The following ATXN1 variants were observed in gnomAD, a reference collection of about 807,000 sequenced individuals.
ATXN1 encodes the protein ataxin 1, also known as ataxin-1.
ATXN1 carries 8 observed loss-of-function variants against 56.4 expected under a neutral mutation model. The observed-to-expected ratio is 0.14, with a 90% CI of 0.08 to 0.26. ATXN1 has a LOEUF of 0.26. Ranked by LOEUF, ATXN1 falls within the 10% of genes least tolerant of loss-of-function variation. ATXN1 has a pLI of 1.00. For missense variants in ATXN1, 987 were observed against 1,106.5 expected (o/e 0.89, Z 1.53); for synonymous variants, 514 against 494.6 (o/e 1.04, Z -0.52).
At chr6:16,495,929 C>T (rs1760772662) in intron 5 of ATXN1, among the ~76,000 whole-genome samples, 1 of 151,254 alleles carries the variant, frequency 6.6e-6, no homozygotes, top group Non-Finnish European at 1.5e-5. Flanking sequence ...AGCTCAAAAA[C>T]AACAGAATTA....
At chr6:16,416,145 G>A (rs777289317) in intron 6 of ATXN1, among the ~76,000 whole-genome samples, 2 of 150,372 alleles carry the variant, frequency 1.3e-5, no homozygotes, top group Non-Finnish European at 2.9e-5. Flanking sequence ...TGCAGTCAGT[G>A]TGCTGATAAC....
chr6:16,706,402 C>T (rs1206317630), intron 2 of ATXN1, among the ~76,000 whole-genome samples: 3 of 151,972 alleles, frequency 2.0e-5, no homozygotes, highest in South Asian at 2.1e-4. Flanking sequence ...AGAAAGAGAA[C>T]GAGAGGCAGA....
At chr6:16,757,146 G>A (rs1247800181) in intron 1 of ATXN1, among the ~76,000 whole-genome samples, 1 of 152,198 alleles carries the variant, frequency 6.6e-6, no homozygotes, top group Non-Finnish European at 1.5e-5. Flanking sequence ...TGGCTAAAGA[G>A]TTTCTGTTTA....
intron 6 of ATXN1, among the ~76,000 whole-genome samples, chr6:16,385,763 A>T (rs546176755): frequency 6.6e-6 from 1 of 152,254 alleles, no homozygotes; most frequent in African/African-American, 2.4e-5. Context: ...TAACATATCA[A>T]TATTTTTCTG....
intron 6 of ATXN1, among the ~76,000 whole-genome samples, chr6:16,390,680 T>TCACACACACA (rs57705650): frequency 6.1e-5 from 9 of 147,158 alleles, no homozygotes; most frequent in Admixed American, 3.4e-4. Context: ...AATAAACACA[T>TCACACACACA]CACACACACA....
intron 4 of ATXN1, among the ~76,000 whole-genome samples, chr6:16,585,220 C>T (rs986323055): frequency 6.6e-6 from 1 of 152,092 alleles, no homozygotes; most frequent in African/African-American, 2.4e-5. Flanking sequence ...GCACTCCAGC[C>T]TGGGTGACAG....
intron 6 of ATXN1, among the ~76,000 whole-genome samples, chr6:16,391,993 A>G (rs531477084): frequency 6.6e-6 from 1 of 152,330 alleles, no homozygotes; most frequent in East Asian, 1.9e-4. Flanking sequence ...ATCAGTGACA[A>G]CTATGCAATA....
chr6:16,658,546 C>T (rs971324542), intron 2 of ATXN1, among the ~76,000 whole-genome samples: 2 of 152,174 alleles, frequency 1.3e-5, no homozygotes, highest in African/African-American at 4.8e-5. Context: ...TGCCTCTTTA[C>T]CCCCACTCAG....
intron 6 of ATXN1, among the ~76,000 whole-genome samples, chr6:16,437,794 A>G (rs1759424142): frequency 6.6e-6 from 1 of 152,200 alleles, no homozygotes; most frequent in Non-Finnish European, 1.5e-5. Flanking sequence ...ATAAAGTATA[A>G]TTACTTGATA....
intron 5 of ATXN1, among the ~76,000 whole-genome samples, chr6:16,514,592 G>A (rs1314047823): frequency 6.6e-6 from 1 of 152,132 alleles, no homozygotes; most frequent in Non-Finnish European, 1.5e-5. Context: ...TAAACCTTGG[G>A]GAGGGAGGGC....
chr6:16,411,937 T>A (rs1253313551), intron 6 of ATXN1, among the ~76,000 whole-genome samples: 1 of 152,208 alleles, frequency 6.6e-6, no homozygotes, highest in Non-Finnish European at 1.5e-5. Context: ...CTTCTTGAGG[T>A]TATCTTGAAT....
intron 6 of ATXN1, among the ~76,000 whole-genome samples, chr6:16,391,780 G>A (rs540097341): frequency 1.3e-5 from 2 of 152,256 alleles, no homozygotes; most frequent in South Asian, 4.1e-4. Flanking sequence ...CAAGGTGGTG[G>A]ATGACTACAG....
rs903025993 is a variant in ATXN1 at position 16,650,050 on chromosome 6, A to G, written c.-489+7726T>C. Among the ~76,000 whole-genome samples the G allele has an allele frequency of 1.4e-4, 22 of 152,090 alleles. 1 individual carries two copies. The highest frequency in any genetic ancestry group is 5.3e-4 in the African/African-American group (22 of 41,488). On this transcript the variant is annotated intron_variant, in intron 3 of 7. Coordinates refer to ENST00000436367, the MANE Select transcript of ATXN1 (RefSeq NM_001128164.2). ...TGGGCTCAAGAAATCCTCTTCCCTC[A>G]GCCTCTCAAAATGCTGACATTACAG...
chr6:16,440,654 A>AAAAAAAAAAAG (rs1759499066), intron 6 of ATXN1, among the ~76,000 whole-genome samples: 4 of 147,278 alleles, frequency 2.7e-5, no homozygotes, highest in Admixed American at 6.9e-5. Context: ...AAAAAAAAAG[A>AAAAAAAAAAAG]AAAGAAAAGA....
intron 6 of ATXN1, among the ~76,000 whole-genome samples, chr6:16,421,729 A>G (rs1759037535): frequency 6.7e-6 from 1 of 149,550 alleles, no homozygotes; most frequent in Non-Finnish European, 1.5e-5. Flanking sequence ...TGCAGAAGTG[A>G]GTGCACACAA....
intron 2 of ATXN1, among the ~76,000 whole-genome samples, chr6:16,725,907 T>C (rs1759838627): frequency 6.6e-6 from 1 of 152,244 alleles, no homozygotes; most frequent in African/African-American, 2.4e-5. Context: ...CAGGAACGAC[T>C]GGTAAATATT....
chr6:16,712,451 G>A (rs1759545688), intron 2 of ATXN1, among the ~76,000 whole-genome samples: 2 of 152,196 alleles, frequency 1.3e-5, no homozygotes, highest in South Asian at 4.1e-4. Context: ...AGTGAGAAGA[G>A]AAATAGAGAA....
intron 4 of ATXN1, among the ~76,000 whole-genome samples, chr6:16,529,197 C>G (rs1268574602): frequency 6.9e-6 from 1 of 145,728 alleles, no homozygotes; most frequent in African/African-American, 2.6e-5. Context: ...AAATCTTTGT[C>G]AGGGTTTTTT....
chr6:16,436,101 T>G (rs1038384262), intron 6 of ATXN1, among the ~76,000 whole-genome samples: 2 of 152,170 alleles, frequency 1.3e-5, no homozygotes, highest in African/African-American at 4.8e-5. Context: ...TTTCACCACG[T>G]TGGCCAGCCT....
Sources: allele counts gnomAD v4.1 joint callset (sites outside exome capture counted in the v4.1 genomes callset), GRCh38; gene constraint gnomAD v4.1.1; transcripts MANE v1.5; gene names NCBI Gene and HGNC (gene_info 2026-07-23, HGNC 2026-07-21).